Variants in ARHGEF10L observed in about 807,000 individuals in gnomAD.
ARHGEF10L encodes rho guanine nucleotide exchange factor 10-like protein.
A neutral mutation model predicts 141.2 loss-of-function variants in ARHGEF10L; 69 were observed. The observed-to-expected ratio is 0.49, with a 90% CI of 0.40 to 0.60. ARHGEF10L has a LOEUF of 0.60. ARHGEF10L is among the 20% of genes least tolerant of loss of function. The pLI is 0.00. For missense variants in ARHGEF10L, 1,482 were observed against 1,734.3 expected (o/e 0.85, Z 2.58); for synonymous variants, 711 against 718.5 (o/e 0.99, Z 0.17).
At chr1:17,579,558 T>A (rs2078387610) in intron 1 of ARHGEF10L, among the ~76,000 whole-genome samples, 2 of 152,228 alleles carry the variant, frequency 1.3e-5, no homozygotes, top group Admixed American at 1.3e-4. Flanking sequence ...ATGTCTGAGG[T>A]ATCGTTGGCA....
intron 4 of ARHGEF10L, among the ~76,000 whole-genome samples, chr1:17,597,951 C>T (rs923046624): frequency 9.9e-5 from 15 of 152,222 alleles, no homozygotes; most frequent in African/African-American, 2.9e-4. Flanking sequence ...GGGGCTTTCT[C>T]TGGTGTTCTC....
intron 4 of ARHGEF10L, among the ~76,000 whole-genome samples, chr1:17,595,290 T>C (rs1557774131): frequency 6.6e-6 from 1 of 151,712 alleles, no homozygotes; most frequent in Admixed American, 6.6e-5. Flanking sequence ...GGAACTTGTA[T>C]TGTTTTGCAA....
At chr1:17,641,328 A>C (rs893919167) in intron 21 of ARHGEF10L, among the ~76,000 whole-genome samples, 10 of 152,184 alleles carry the variant, frequency 6.6e-5, no homozygotes, top group Non-Finnish European at 1.2e-4. Flanking sequence ...CATTTTCAAT[A>C]GGTTTTAACA....
chr1:17,513,822 T>C, the ARHGEF10L span, among the ~76,000 whole-genome samples: 1 of 152,178 alleles, frequency 6.6e-6, no homozygotes, highest in Non-Finnish European at 1.5e-5. Flanking sequence ...TTTTCTTTTT[T>C]TGAGACGGAG....
chr1:17,563,237 CTTTTTTTT>C (rs55911525), intron 1 of ARHGEF10L, among the ~76,000 whole-genome samples: 3 of 142,578 alleles, frequency 2.1e-5, no homozygotes, highest in Non-Finnish European at 4.6e-5. Flanking sequence ...GAGCCCTTTT[CTTTTTTTT>C]TTTTTTTGAG....
upstream of ARHGEF10L, among the ~76,000 whole-genome samples, chr1:17,535,925 C>T (rs971870331): frequency 3.3e-5 from 5 of 152,090 alleles, no homozygotes; most frequent in South Asian, 4.1e-4. Flanking sequence ...ACTCACAGTC[C>T]GGGGGGGAGA....
At chr1:17,517,954 C>T in the ARHGEF10L span, among the ~76,000 whole-genome samples, 4 of 152,302 alleles carry the variant, frequency 2.6e-5, no homozygotes, top group African/African-American at 9.6e-5. Flanking sequence ...TGAGCCACAG[C>T]GCCTGGCCCT....
At chr1:17,622,764 C>G (rs2060173466) in intron 11 of ARHGEF10L, among the ~76,000 whole-genome samples, 1 of 152,198 alleles carries the variant, frequency 6.6e-6, no homozygotes, top group Non-Finnish European at 1.5e-5. Flanking sequence ...AAAAGACCCT[C>G]TTCCTCCCGA....
At chr1:17,694,897 C>A in intron 27 of ARHGEF10L, 1 of 646,084 alleles carries the variant, frequency 1.5e-6, no homozygotes, top group Non-Finnish European at 2.9e-6. Flanking sequence ...TGTGGTGTTC[C>A]CCCAATGCAT....
chr1:17,610,922 G>A (rs900411255), intron 7 of ARHGEF10L, among the ~76,000 whole-genome samples: 6 of 152,076 alleles, frequency 3.9e-5, no homozygotes, highest in African/African-American at 1.4e-4. Context: ...TGAACAAGTG[G>A]TCCTGCTGGT....
At chr1:17,547,164 G>T (rs1184423401) in intron 1 of ARHGEF10L, among the ~76,000 whole-genome samples, 2 of 152,188 alleles carry the variant, frequency 1.3e-5, no homozygotes, top group African/African-American at 4.8e-5. Flanking sequence ...ACAGGCCCAG[G>T]GTCTGCCCAC....
intron 21 of ARHGEF10L, among the ~76,000 whole-genome samples, chr1:17,647,108 C>A (rs192020112): frequency 1.3e-5 from 2 of 152,112 alleles, no homozygotes; most frequent in Non-Finnish European, 2.9e-5. Flanking sequence ...GACAGAGCTA[C>A]TCTAGCATCA....
rs370431290 is a variant in ARHGEF10L at position 17,621,425 on chromosome 1, G to GT, written c.943-436dup. On this transcript the variant is annotated intron_variant, in intron 10 of 28. Coordinates refer to ENST00000361221, the MANE Select transcript of ARHGEF10L (RefSeq NM_018125.4). This position sits in a 1 kb window ranked among gnomAD's most constrained non-coding sequence, Gnocchi z 4.1. ...TTTTTGTATTTTTACTAGAGACAGG[G>GT]TTTCACCATGTTGGCCAGGCTGGTT... 1.8e-4 allele frequency among the ~76,000 whole-genome samples: 27 copies of GT among 152,246 alleles called. No individual in the cohort carries two copies. The highest frequency in any genetic ancestry group is 6.0e-4 in the African/African-American group (25 of 41,550).
chr1:17,615,774 G>A lies in ARHGEF10L; in HGVS notation c.727-320G>A, dbSNP rs1460392857. On this transcript the variant is annotated intron_variant, in intron 8 of 28. Transcript: ENST00000361221. This position sits in a 1 kb window ranked among gnomAD's most constrained non-coding sequence, Gnocchi z 4.7. ...AGTCATGCCATTGGCGGGTGGCCCA[G>A]GGCTCCAGGTCTCCAGCACCCCTCG... The A allele has an allele frequency of 2.5e-5, 6 of 236,858 alleles. No homozygotes were observed. The East Asian group carries it at 5.1e-4, about 20-fold the overall frequency. The allele number at this position is 236,858 out of a possible 1,614,324, so 14.7% of individuals were successfully genotyped here.
chr1:17,694,397 T>C (rs1191159163), intron 27 of ARHGEF10L: 1 of 158,062 alleles, frequency 6.3e-6, no homozygotes, highest in Non-Finnish European at 1.4e-5. Flanking sequence ...TCTGGAGCCC[T>C]GTTCTCAGCC....
chr1:17,661,115 T>C (rs1479507624), intron 25 of ARHGEF10L, among the ~76,000 whole-genome samples: 1 of 152,152 alleles, frequency 6.6e-6, no homozygotes, highest in Non-Finnish European at 1.5e-5. Context: ...AGACAGAGTT[T>C]CACTCTGTCA....
intron 16 of ARHGEF10L, among the ~76,000 whole-genome samples, chr1:17,632,849 T>A (rs2101696277): frequency 6.6e-6 from 1 of 152,332 alleles, no homozygotes; most frequent in Non-Finnish European, 1.5e-5. Context: ...ATTGCAGAAT[T>A]TCTCAGTGTG....
intron 1 of ARHGEF10L, among the ~76,000 whole-genome samples, chr1:17,570,204 GTCCTGCC>G (rs1406677049): frequency 4.6e-5 from 7 of 152,270 alleles, no homozygotes; most frequent in Non-Finnish European, 8.8e-5. Context: ...AGTGGTCACA[GTCCTGCC>G]TTCATGGAGT....
rs146874508 is a variant in ARHGEF10L, at chr1:17,611,534, A to G, written c.610-1524A>G. Among the ~76,000 whole-genome samples, 611 of 89,556 alleles carry G rather than the reference A, an allele frequency of 6.8e-3. 9 individuals carry two copies. The highest frequency in any genetic ancestry group is 0.03 in the Middle Eastern group (6 of 200). 58.8% of individuals were successfully genotyped at this position (89,556 alleles called of 152,430 possible). A position where few individuals can be genotyped will look rare whatever the true frequency, so the allele number is the denominator to read the frequency against. On this transcript the variant is annotated intron_variant, in intron 7 of 28. Coordinates refer to ENST00000361221, the MANE Select transcript of ARHGEF10L (RefSeq NM_018125.4). ...TCACAGGTGCCTCATCTGTCTGTAT[A>G]TCCATCCATCCATCCATCCATCCAT...
Sources: allele counts gnomAD v4.1 joint callset (sites outside exome capture counted in the v4.1 genomes callset), GRCh38; gene constraint gnomAD v4.1.1; non-coding constraint Gnocchi (gnomAD v3.1); transcripts MANE v1.5; gene names NCBI Gene and HGNC (gene_info 2026-07-23, HGNC 2026-07-21).